The following NR3C2 variants were observed in gnomAD, a reference collection of about 807,000 sequenced individuals.
NR3C2 encodes nuclear receptor subfamily 3 group C member 2, also known as mineralocorticoid receptor.
In NR3C2, 15 loss-of-function variants were observed where a neutral mutation model predicts 86.4. The observed-to-expected ratio is 0.17, with a 90% CI of 0.12 to 0.27. The LOEUF is 0.27. Ranked by LOEUF, NR3C2 falls within the 10% of genes least tolerant of loss-of-function variation. NR3C2 has a pLI of 1.00. For missense variants in NR3C2, 960 were observed against 1,195.6 expected (o/e 0.80, Z 2.91); for synonymous variants, 458 against 450.5 (o/e 1.02, Z -0.21).
At chr4:148,203,062 A>C (rs1736809961) in intron 3 of NR3C2, among the ~76,000 whole-genome samples, 6 of 152,344 alleles carry the variant, frequency 3.9e-5, no homozygotes, top group Middle Eastern at 3.4e-3. Flanking sequence ...GAAGATACAA[A>C]GTATTTAAAT....
In NR3C2 at chr4:148,124,878, AT is replaced by A. The variant is rs1732673423; in HGVS notation, c.2511-4591del. On this transcript the variant is annotated intron_variant, in intron 6 of 8. Transcript: ENST00000358102. Reference sequence around the variant, plus strand: ...ATAGTGTTTTAATTTTAATGGCAGTATTTTTCATGTTGAGGAGCTGAGAAAT... The same window carrying A: ...ATAGTGTTTTAATTTTAATGGCAGTATTTTCATGTTGAGGAGCTGAGAAAT... Among the ~76,000 whole-genome samples, 3 of 152,114 alleles carry A rather than the reference AT, an allele frequency of 2.0e-5. No individual in the cohort carries two copies. The South Asian group carries it at 6.2e-4, about 31-fold the overall frequency.
intron 8 of NR3C2, among the ~76,000 whole-genome samples, chr4:148,105,719 C>T (rs917832660): frequency 3.3e-5 from 5 of 152,152 alleles, no homozygotes; most frequent in Non-Finnish European, 7.3e-5. Context: ...AAGGCTGGTT[C>T]GACATACACA....
intron 3 of NR3C2, among the ~76,000 whole-genome samples, chr4:148,244,360 C>T (rs567325359): frequency 1.1e-4 from 16 of 152,212 alleles, no homozygotes; most frequent in African/African-American, 2.2e-4. Flanking sequence ...AATTGTTAAC[C>T]GAAGGCACTC....
chr4:148,247,285 C>T (rs1028811245), intron 3 of NR3C2, among the ~76,000 whole-genome samples: 3 of 152,056 alleles, frequency 2.0e-5, no homozygotes, highest in African/African-American at 7.2e-5. Context: ...GTTAATTTTT[C>T]CTACTAAAAT....
chr4:148,108,350 A>G (rs1366102759), intron 8 of NR3C2, among the ~76,000 whole-genome samples: 2 of 151,960 alleles, frequency 1.3e-5, no homozygotes, highest in Non-Finnish European at 2.9e-5. Flanking sequence ...TGATCTGCCC[A>G]CCTCCACCTC....
At chr4:148,242,558 C>G (rs1739109438) in intron 3 of NR3C2, among the ~76,000 whole-genome samples, 1 of 152,162 alleles carries the variant, frequency 6.6e-6, no homozygotes, top group Admixed American at 6.6e-5. Context: ...ATTTACTGGA[C>G]AAGTAAAGCA....
At chr4:148,144,863 C>G (rs568836601) in intron 6 of NR3C2, among the ~76,000 whole-genome samples, 18 of 152,262 alleles carry the variant, frequency 1.2e-4, no homozygotes, top group African/African-American at 3.9e-4. Context: ...TTTCTTTATT[C>G]AAGAGTCTTG....
At chr4:148,136,199 A>G (rs1733335759) in intron 6 of NR3C2, among the ~76,000 whole-genome samples, 1 of 152,010 alleles carries the variant, frequency 6.6e-6, no homozygotes, top group Non-Finnish European at 1.5e-5. Flanking sequence ...AAGGCAAGAC[A>G]ATGGGATGTA....
intron 4 of NR3C2, among the ~76,000 whole-genome samples, chr4:148,172,008 A>G (rs758978099): frequency 1.3e-5 from 2 of 152,134 alleles, no homozygotes; most frequent in Admixed American, 6.5e-5. Context: ...AATCCCTGGG[A>G]GTTTACTGCA....
At chr4:148,415,721 TGGTAGTGCCATCTGGAGGC>T in intron 2 of NR3C2, among the ~76,000 whole-genome samples, 1 of 152,174 alleles carries the variant, frequency 6.6e-6, no homozygotes, top group Non-Finnish European at 1.5e-5. Context: ...TCTGTGAAAA[TGGTAGTGCCATCTGGAGGC>T]AAAGATGATC....
chr4:148,260,178 C>T (rs1740026354), intron 2 of NR3C2, 61 bp from the exon 3 acceptor site: 8 of 1,600,510 alleles, frequency 5.0e-6, no homozygotes, highest in Admixed American at 1.7e-5. Flanking sequence ...ACATGCTGCA[C>T]AGCTTAGCTC....
intron 2 of NR3C2, among the ~76,000 whole-genome samples, chr4:148,267,191 A>C (rs541351141): frequency 2.6e-5 from 4 of 152,248 alleles, no homozygotes; most frequent in Admixed American, 1.3e-4. Context: ...AGTATATTCA[A>C]GAACACTTGG....
chr4:148,378,562 A>G (rs1452083197), intron 2 of NR3C2, among the ~76,000 whole-genome samples: 2 of 152,142 alleles, frequency 1.3e-5, no homozygotes, highest in Admixed American at 1.3e-4. Flanking sequence ...TTCTCCTGAT[A>G]GAGTTCTTAG....
chr4:148,335,689 C>T (rs1447129831), intron 2 of NR3C2, among the ~76,000 whole-genome samples: 1 of 151,396 alleles, frequency 6.6e-6, no homozygotes, highest in East Asian at 1.9e-4. Flanking sequence ...ACAGCTGTAC[C>T]CCCTCGAATG....
intron 3 of NR3C2, among the ~76,000 whole-genome samples, chr4:148,243,194 C>A (rs1424509951): frequency 6.6e-6 from 1 of 151,920 alleles, no homozygotes; most frequent in East Asian, 1.9e-4. Flanking sequence ...CCATGCCTGG[C>A]TAATTTTTGT....
intron 2 of NR3C2, among the ~76,000 whole-genome samples, chr4:148,417,534 C>T: frequency 6.6e-6 from 1 of 152,152 alleles, no homozygotes; most frequent in East Asian, 1.9e-4. Context: ...TATCTTCATG[C>T]AGTTTTTAGA....
At chr4:148,324,863 C>A (rs994743850) in intron 2 of NR3C2, among the ~76,000 whole-genome samples, 1 of 152,240 alleles carries the variant, frequency 6.6e-6, no homozygotes. Context: ...TAACAAGTAT[C>A]GTAGAAATCT....
chr4:148,217,893 G>A (rs13116332), intron 3 of NR3C2, among the ~76,000 whole-genome samples: 46,479 of 152,088 alleles, frequency 0.31, 7,706 homozygotes, highest in Non-Finnish European at 0.36. Context: ...AACCCTTGTA[G>A]CCACTAGTGA....
In NR3C2 at chr4:148,412,571, TA is replaced by T. The variant is rs202191734; in HGVS notation, c.1757+22532del. On this transcript the variant is annotated intron_variant, in intron 2 of 8. Coordinates refer to ENST00000358102, the MANE Select transcript of NR3C2 (RefSeq NM_000901.5). ...AAACAAGAGAAATGTGGAGAAGGAG[TA>T]AAAAAAAATGCTCCTTCCTTTATTA... 3.5e-4 allele frequency among the ~76,000 whole-genome samples: 52 copies of T among 150,512 alleles called. No homozygotes were observed. In the East Asian group the frequency reaches 8.4e-3, roughly 24 times the overall value.
Sources: gnomAD v4.1 joint callset for allele counts (sites outside exome capture counted in the v4.1 genomes callset) on GRCh38, gnomAD v4.1.1 for gene constraint, MANE v1.5 for transcripts, NCBI Gene and HGNC (gene_info 2026-07-23, HGNC 2026-07-21) for gene names.